RICTOR: variants seen among roughly 807,000 people sequenced by gnomAD.
RICTOR encodes RPTOR independent companion of MTOR complex 2.
RICTOR carries 49 observed loss-of-function variants against 214.9 expected under a neutral mutation model. The ratio of observed to expected loss-of-function variants is 0.23; its 90% CI spans 0.18 to 0.29. The LOEUF (loss-of-function observed/expected upper bound fraction) is 0.29, where lower values mean the gene tolerates loss of function less well. RICTOR is among the 10% of genes least tolerant of loss of function. The probability of loss-of-function intolerance (pLI) is 1.00; values close to 1 mark genes in which losing one functional copy is unlikely to be tolerated. For synonymous variants in RICTOR, 717 were observed against 711.3 expected (o/e 1.01, Z -0.13); for missense variants, 1,625 against 2,047.0 (o/e 0.79, Z 3.98).
chr5:38,945,722 G>A lies in RICTOR; in HGVS notation c.4402C>T (p.Leu1468Phe), dbSNP rs1748118534. The part of the protein sequence containing the change: ...ARAFAHDAGG[L>F]PSGTGGLVKN... ...ACAAGACCTCCAGTTCCAGATGGAA[G>A]ACCTGTGCATAAGTAAATATAAAAC... The change falls in exon 34 of 38, where the codon CTT becomes TTT. Residue 1468 changes from leucine to phenylalanine, a missense_variant and splice_region_variant. Leu to Phe is a conservative substitution (Grantham distance 22). Around this residue, in one of 5 missense-constraint regions of RICTOR, gnomAD observed 1,214 missense variants for 1,470.5 expected, o/e 0.83. Transcript: ENST00000357387. The A allele has an allele frequency of 6.6e-7, 1 of 1,513,526 alleles. No individual in the cohort carries two copies. The highest frequency in any genetic ancestry group is 1.1e-5 in the South Asian group (1 of 89,036). 93.8% of individuals were successfully genotyped at this position (1,513,526 alleles called of 1,614,324 possible). A position where few individuals can be genotyped will look rare whatever the true frequency, so the allele number is the denominator to read the frequency against.
At position 39,069,802 on chromosome 5, in the gene RICTOR, A is replaced by G. The variant is rs532267291; in HGVS notation, c.97+4309T>C. Among the ~76,000 whole-genome samples the G allele has an allele frequency of 1.0e-3, 155 of 152,262 alleles. 1 individual carries two copies. In the Middle Eastern group the frequency reaches 0.01, roughly 10 times the overall value. On this transcript the variant is annotated intron_variant, in intron 2 of 37. Coordinates refer to ENST00000357387, the MANE Select transcript of RICTOR (RefSeq NM_152756.5). Reference sequence around the variant, plus strand: ...AACTTTCCCCTTCCCAGGGTATGGTATATTCCCAAGAGAGCACATATTTCC... The same window carrying G: ...AACTTTCCCCTTCCCAGGGTATGGTGTATTCCCAAGAGAGCACATATTTCC...
At chr5:39,018,293 T>A (rs1580113418) in intron 3 of RICTOR, among the ~76,000 whole-genome samples, 1 of 151,986 alleles carries the variant, frequency 6.6e-6, no homozygotes, top group African/African-American at 2.4e-5. Context: ...GGATACAACA[T>A]CAGGAAAAGA....
intron 10 of RICTOR, among the ~76,000 whole-genome samples, chr5:38,972,400 AT>A (rs1750860341): frequency 6.6e-6 from 1 of 152,224 alleles, no homozygotes; most frequent in South Asian, 2.1e-4. Context: ...CTTCAAATAA[AT>A]TATATGATTC....
chr5:38,969,666 ATTTTTTTTTTT>A (rs145128587), intron 11 of RICTOR: 2 of 125,932 alleles, frequency 1.6e-5, no homozygotes, highest in Admixed American at 8.1e-5. Context: ...TGTATTTTTA[ATTTTTTTTTTT>A]TTTTTTTTTG....
At chr5:39,001,522 T>C (rs1173984617) in intron 5 of RICTOR, among the ~76,000 whole-genome samples, 3 of 151,978 alleles carry the variant, frequency 2.0e-5, no homozygotes, top group African/African-American at 7.2e-5. Context: ...CTCTTCCAAA[T>C]AGACAAAAAG....
At chr5:39,038,834 AG>A (rs1756944423) in intron 2 of RICTOR, among the ~76,000 whole-genome samples, 1 of 152,174 alleles carries the variant, frequency 6.6e-6, no homozygotes, top group African/African-American at 2.4e-5. Context: ...AACAAATGGA[AG>A]AACATTCCAT....
chr5:39,029,649 A>T (rs938454733), intron 2 of RICTOR, among the ~76,000 whole-genome samples: 3 of 152,188 alleles, frequency 2.0e-5, no homozygotes, highest in Non-Finnish European at 4.4e-5. Context: ...TGGAATAAAA[A>T]AGAACTGAAT....
chr5:38,954,450 T>A (rs554387430), intron 27 of RICTOR, among the ~76,000 whole-genome samples: 1 of 151,928 alleles, frequency 6.6e-6, no homozygotes, highest in African/African-American at 2.4e-5. Context: ...GGTTTTTCAG[T>A]ACGTTTTTGG....
intron 3 of RICTOR, among the ~76,000 whole-genome samples, chr5:39,017,655 GT>G (rs1227893559): frequency 6.6e-6 from 1 of 151,800 alleles, no homozygotes; most frequent in Non-Finnish European, 1.5e-5. Context: ...AAATGCCTAT[GT>G]ACTTGCTTCT....
At chr5:38,942,783 C>A (rs1233593811) in intron 37 of RICTOR, 50 bp downstream of exon 37, 2 of 1,415,692 alleles carry the variant, frequency 1.4e-6, no homozygotes, top group Admixed American at 1.7e-5. Context: ...TCAATTCAAA[C>A]ACAGAATTAT....
At chr5:39,013,127 C>T (rs1328352839) in intron 3 of RICTOR, among the ~76,000 whole-genome samples, 1 of 152,108 alleles carries the variant, frequency 6.6e-6, no homozygotes, top group Non-Finnish European at 1.5e-5. Flanking sequence ...ATTATGTACA[C>T]AAAAAATTTC....
intron 4 of RICTOR, among the ~76,000 whole-genome samples, chr5:39,003,146 A>G (rs2150106792): frequency 6.6e-6 from 1 of 152,266 alleles, no homozygotes; most frequent in Middle Eastern, 3.4e-3. Context: ...AAGAGTACCT[A>G]AAAGATAGTT....
chr5:38,988,479 C>T (rs1307162108), intron 7 of RICTOR, among the ~76,000 whole-genome samples: 2 of 152,038 alleles, frequency 1.3e-5, no homozygotes, highest in Non-Finnish European at 2.9e-5. Flanking sequence ...TCTTTGCTGG[C>T]TTAAAGTCTG....
At chr5:38,977,872 T>C (rs996044429) in intron 9 of RICTOR, among the ~76,000 whole-genome samples, 2 of 152,082 alleles carry the variant, frequency 1.3e-5, no homozygotes, top group South Asian at 2.1e-4. Context: ...CAGGAATCAC[T>C]ATTTTTAACT....
Position 38,975,528 on chromosome 5 carries a change from G to C in RICTOR, c.889+9C>G, listed in dbSNP as rs758200526. 5.0e-6 allele frequency: 8 copies of C among 1,602,662 alleles called. No homozygotes were observed. Among genetic ancestry groups the C allele is most frequent in the Non-Finnish European group, 6.8e-6 (8 of 1,169,714 alleles). On this transcript the variant is annotated intron_variant, in intron 10 of 37. Coordinates refer to ENST00000357387, the MANE Select transcript of RICTOR (RefSeq NM_152756.5). ...CTTGGATGTTATAAAGCAATGTAGAGTAACCTACCTGCCCATGATCGGAAT... is the reference window on the plus strand; with the variant it reads ...CTTGGATGTTATAAAGCAATGTAGACTAACCTACCTGCCCATGATCGGAAT...
chr5:38,984,999 G>C (rs1432844168), intron 7 of RICTOR, among the ~76,000 whole-genome samples: 1 of 152,132 alleles, frequency 6.6e-6, no homozygotes, highest in African/African-American at 2.4e-5. Context: ...AGTAGAGACG[G>C]GGTTTCTCCA....
intron 2 of RICTOR, among the ~76,000 whole-genome samples, chr5:39,052,147 G>A (rs1580197031): frequency 1.3e-5 from 2 of 152,138 alleles, no homozygotes; most frequent in Non-Finnish European, 2.9e-5. Context: ...GCTGATGTGG[G>A]TGGACTGCTT....
chr5:39,052,007 G>A (rs1757893009), intron 2 of RICTOR, among the ~76,000 whole-genome samples: 1 of 151,494 alleles, frequency 6.6e-6, no homozygotes, highest in South Asian at 2.1e-4. Context: ...CTGAGCAGCA[G>A]TATGTGGTAG....
chr5:39,002,417 C>T (rs1239250), intron 5 of RICTOR, 118 bp downstream of exon 5: 99,418 of 265,550 alleles, frequency 0.37, 8,779 homozygotes, highest in African/African-American at 0.48. Context: ...TATATATATA[C>T]ACACACACAA....
Sources: allele counts gnomAD v4.1 joint callset (sites outside exome capture counted in the v4.1 genomes callset), GRCh38; gene constraint gnomAD v4.1.1; regional missense constraint gnomAD v4.1.1; transcripts MANE v1.5; gene names NCBI Gene and HGNC (gene_info 2026-07-23, HGNC 2026-07-21).